Variants in PACRGL observed in about 807,000 individuals in gnomAD.
The protein encoded by PACRGL is parkin coregulated like, also known as PACRG-like protein.
Under a neutral mutation model 34.5 loss-of-function variants are expected in PACRGL, and 38 were observed. The observed-to-expected ratio is 1.10, with a 90% CI of 0.85 to 1.44. The LOEUF (loss-of-function observed/expected upper bound fraction) is 1.44. PACRGL is among the 40% of genes most tolerant of loss of function. PACRGL has a pLI of 0.00. For missense variants in PACRGL, 305 were observed against 281.4 expected, an observed-to-expected ratio of 1.08 and a Z score of -0.60; for synonymous variants, 128 against 100.1, an observed-to-expected ratio of 1.28 and a Z score of -1.66.
At chr4:20,736,197 A>C (rs963912587), downstream of PACRGL, among the ~76,000 whole-genome samples, 22 of 152,210 alleles carry the variant, frequency 1.4e-4, no homozygotes, top group Non-Finnish European at 4.4e-5. Flanking sequence ...TGCATACACA[A>C]GTATAAGATA....
chr4:20,756,137 A>C (rs749495701), downstream of PACRGL, among the ~76,000 whole-genome samples: 6 of 151,906 alleles, frequency 3.9e-5, no homozygotes, highest in African/African-American at 7.3e-5. Context: ...TTATTTTGGC[A>C]GGAGATAACG....
At chr4:20,696,372 T>G (rs754239237), upstream of PACRGL, 1 of 152,088 alleles carries the variant, frequency 6.6e-6, no homozygotes, top group Non-Finnish European at 1.5e-5. Flanking sequence ...GAAAAACACA[T>G]GAGCAATCTA....
intron 8 of PACRGL, chr4:20,749,639 T>TA (rs1439426693): frequency 6.6e-7 from 1 of 1,514,054 alleles, no homozygotes; most frequent in Non-Finnish European, 9.1e-7. Context: ...AGTCAAATGA[T>TA]ATGAAAATAA....
intron 7 of PACRGL, among the ~76,000 whole-genome samples, chr4:20,717,914 A>G (rs1446400282): frequency 6.6e-6 from 1 of 152,126 alleles, no homozygotes; most frequent in Non-Finnish European, 1.5e-5. Context: ...GATTCTGTAA[A>G]TTACCTTGGG....
Position 20,732,107 on chromosome 4 carries a change from C to G in PACRGL, c.*4766C>G. The G allele has an allele frequency of 1.5e-6, 2 of 1,365,730 alleles. No individual in the cohort carries two copies. Among genetic ancestry groups the G allele is most frequent in the Non-Finnish European group, 2.1e-6 (2 of 955,860 alleles). 84.6% of individuals were successfully genotyped at this position (1,365,730 alleles called of 1,614,324 possible). The stretch of plus-strand genomic sequence containing the variant: ...AAACAAAAATTGTATTTAGACTTAT[C>G]CCTTAATACCCTCACACCTGGACCA... On this transcript the variant is annotated 3_prime_UTR_variant, in exon 9 of 9. Coordinates refer to ENST00000503585, the MANE Select transcript of PACRGL (RefSeq NM_001258345.3).
chr4:20,753,376 C>G (rs2149348827), downstream of PACRGL, among the ~76,000 whole-genome samples: 1 of 152,240 alleles, frequency 6.6e-6, no homozygotes, highest in Admixed American at 6.5e-5. Context: ...GAAAAGTAAA[C>G]TACTCGAGGT....
chr4:20,751,992 C>G (rs892962010), intron 8 of PACRGL, among the ~76,000 whole-genome samples: 1 of 151,702 alleles, frequency 6.6e-6, no homozygotes, highest in Non-Finnish European at 1.5e-5. Flanking sequence ...AGTTGTTTTA[C>G]CTTTGTGTGG....
At chr4:20,741,313 A>G (rs1483608892) in intron 8 of PACRGL, among the ~76,000 whole-genome samples, 3 of 152,220 alleles carry the variant, frequency 2.0e-5, no homozygotes, top group African/African-American at 4.8e-5. Context: ...TTGACCACAT[A>G]GTTGGAAGTA....
At chr4:20,713,697 T>C (rs1456552624) in intron 7 of PACRGL, among the ~76,000 whole-genome samples, 158 bp downstream of exon 7, 1 of 152,212 alleles carries the variant, frequency 6.6e-6, no homozygotes, top group East Asian at 1.9e-4. Flanking sequence ...GTATGTTGTG[T>C]CTTTGTTCTC....
At chr4:20,747,662 A>G (rs991899548) in intron 8 of PACRGL, among the ~76,000 whole-genome samples, 1 of 151,134 alleles carries the variant, frequency 6.6e-6, no homozygotes, top group African/African-American at 2.4e-5. Flanking sequence ...CTCAGCTTTT[A>G]TTTTTCTCTT....
In PACRGL at chr4:20,724,908, T is replaced by G. The variant is rs1744971631; in HGVS notation, c.690+20T>G. On this transcript the variant is annotated intron_variant, in intron 8 of 8. Transcript: ENST00000503585. ...GGAAGTGTAAGTAGAATATTATTCCTTAAGTCTTTTTTTTTAACTTTTAGG... is the reference window on the plus strand; with the variant it reads ...GGAAGTGTAAGTAGAATATTATTCCGTAAGTCTTTTTTTTTAACTTTTAGG... 2 of 1,341,646 alleles carry G rather than the reference T, an allele frequency of 1.5e-6. No homozygotes were observed. The highest frequency in any genetic ancestry group is 2.7e-5 in the East Asian group (1 of 36,858). The allele number at this position is 1,341,646 out of a possible 1,614,324, so 83.1% of individuals were successfully genotyped here. A position where few individuals can be genotyped will look rare whatever the true frequency, so the allele number is the denominator to read the frequency against.
chr4:20,748,531 C>T (rs1311666476), intron 8 of PACRGL, among the ~76,000 whole-genome samples: 1 of 146,398 alleles, frequency 6.8e-6, no homozygotes, highest in Non-Finnish European at 1.5e-5. Context: ...TCCTTCCTCA[C>T]TTCCAAAAAT....
At chr4:20,712,995 A>G in intron 6 of PACRGL, 73 bp downstream of exon 6, 1 of 1,353,622 alleles carries the variant, frequency 7.4e-7, no homozygotes, top group Non-Finnish European at 9.8e-7. Flanking sequence ...TATTTAGAAT[A>G]TTGTATGCCT....
chr4:20,731,280 C>G lies in PACRGL; in HGVS notation c.*3939C>G. The G allele has an allele frequency of 7.9e-6, 4 of 504,544 alleles. No individual in the cohort carries two copies. The highest frequency in any genetic ancestry group is 1.0e-5 in the Non-Finnish European group (4 of 390,660). The allele number at this position is 504,544 out of a possible 1,614,324, so 31.3% of individuals were successfully genotyped here. A position where few individuals can be genotyped will look rare whatever the true frequency, so the allele number is the denominator to read the frequency against. The stretch of plus-strand genomic sequence containing the variant: ...AGATAGATAGGGTCTTGCTATGTTG[C>G]CCACATTGGACTCAAAATCCTGGCC... On this transcript the variant is annotated 3_prime_UTR_variant, in exon 9 of 9. Coordinates refer to ENST00000503585, the MANE Select transcript of PACRGL (RefSeq NM_001258345.3).
In PACRGL at chr4:20,729,462, GATA is replaced by G. The variant is rs75646296; in HGVS notation, c.*2126_*2128del. 8.7e-4 allele frequency: 116 copies of G among 132,842 alleles called. No individual in the cohort carries two copies. The highest frequency in any genetic ancestry group is 4.3e-3 in the Middle Eastern group (1 of 230). 8.2% of individuals were successfully genotyped at this position (132,842 alleles called of 1,614,324 possible). ...TTTTATTAGGCATATGCTGATATCT[GATA>G]ATAAACTAATTTTTAAATGTTTAAT... On this transcript the variant is annotated 3_prime_UTR_variant, in exon 9 of 9. Transcript: ENST00000503585.
chr4:20,721,388 G>C (rs1743102524), intron 7 of PACRGL, among the ~76,000 whole-genome samples: 4 of 152,122 alleles, frequency 2.6e-5, no homozygotes, highest in Admixed American at 2.6e-4. Flanking sequence ...TCCTTTGGAG[G>C]GGGAGAGGCG....
intron 8 of PACRGL, among the ~76,000 whole-genome samples, chr4:20,748,558 TTTTATATATATATATATATATATATA>T (rs1246397065): frequency 2.6e-4 from 31 of 118,556 alleles, no homozygotes; most frequent in Middle Eastern, 4.6e-3. Flanking sequence ...ACCTTCCAAA[TTTTATATATATATATATATATATATA>T]TATATATATA....
chr4:20,724,574 C>G (rs1214505273), intron 7 of PACRGL, among the ~76,000 whole-genome samples: 1 of 152,126 alleles, frequency 6.6e-6, no homozygotes, highest in African/African-American at 2.4e-5. Flanking sequence ...AACCTTACTT[C>G]AGATAGCATA....
At chr4:20,761,848 G>A in the PACRGL span, among the ~76,000 whole-genome samples, 3 of 152,198 alleles carry the variant, frequency 2.0e-5, no homozygotes, top group East Asian at 5.8e-4. Flanking sequence ...AGGGTGGAAA[G>A]TCTCACCAGA....
Sources: allele counts gnomAD v4.1 joint callset (sites outside exome capture counted in the v4.1 genomes callset), GRCh38; gene constraint gnomAD v4.1.1; transcripts MANE v1.5; gene names NCBI Gene and HGNC (gene_info 2026-07-23, HGNC 2026-07-21).